Variants in TRDN observed in about 807,000 individuals in gnomAD.
TRDN encodes triadin.
A neutral mutation model predicts 149.7 loss-of-function variants in TRDN; 161 were observed. The ratio of observed to expected loss-of-function variants is 1.08; its 90% confidence interval spans 0.95 to 1.23. The LOEUF is 1.23. Ranked by LOEUF, TRDN falls within the 50% of genes most tolerant of loss-of-function variation. The pLI is 0.00. For missense variants in TRDN, 896 were observed against 823.5 expected, an observed-to-expected ratio of 1.09 and a Z score of -1.08; for synonymous variants, 294 against 250.5, an observed-to-expected ratio of 1.17 and a Z score of -1.64.
intron 10 of TRDN, among the ~76,000 whole-genome samples, chr6:123,446,090 C>A (rs1410614502): frequency 3.3e-5 from 5 of 151,638 alleles, no homozygotes; most frequent in Non-Finnish European, 7.4e-5. Flanking sequence ...TTTGTAGGGA[C>A]ATGGATGAAA....
At chr6:123,488,297 T>C (rs1368248188) in intron 9 of TRDN, among the ~76,000 whole-genome samples, 1 of 152,132 alleles carries the variant, frequency 6.6e-6, no homozygotes, top group African/African-American at 2.4e-5. Context: ...TAATGACCCT[T>C]GGTATTTGGC....
chr6:123,516,684 T>A (rs1348179304), intron 5 of TRDN, among the ~76,000 whole-genome samples: 1 of 152,012 alleles, frequency 6.6e-6, no homozygotes. Flanking sequence ...AAAAATATAC[T>A]GGAATAAGAC....
intron 35 of TRDN, among the ~76,000 whole-genome samples, chr6:123,257,010 C>T (rs951368833): frequency 6.8e-6 from 1 of 146,610 alleles, no homozygotes; most frequent in African/African-American, 2.5e-5. Context: ...TAGACAGAGT[C>T]TCACTCTGGC....
At chr6:123,479,449 A>T (rs76768134) in intron 9 of TRDN, among the ~76,000 whole-genome samples, 9,181 of 152,256 alleles carry the variant, frequency 0.06, 927 homozygotes, top group African/African-American at 0.21. Flanking sequence ...ATAATTCCCC[A>T]CAAGTGGAAA....
At chr6:123,544,222 A>G (rs1780998060) in intron 4 of TRDN, among the ~76,000 whole-genome samples, 1 of 150,850 alleles carries the variant, frequency 6.6e-6, no homozygotes, top group African/African-American at 2.4e-5. Flanking sequence ...ACAAGTATTG[A>G]GAAGCCTTAT....
At chr6:123,421,658 A>T (rs1773907690) in intron 12 of TRDN, 2 of 152,222 alleles carry the variant, frequency 1.3e-5, no homozygotes, top group Non-Finnish European at 2.9e-5. Context: ...GGTGAGCGCC[A>T]CCATTTTTTG....
intron 29 of TRDN, among the ~76,000 whole-genome samples, chr6:123,272,079 A>C (rs969177013): frequency 5.9e-5 from 9 of 151,886 alleles, no homozygotes; most frequent in Admixed American, 5.9e-4. Context: ...CCTTATTCCT[A>C]TATTTTCTGT....
At chr6:123,310,969 C>T (rs954518945) in intron 24 of TRDN, among the ~76,000 whole-genome samples, 16 of 151,868 alleles carry the variant, frequency 1.1e-4, no homozygotes, top group Non-Finnish European at 2.1e-4. Flanking sequence ...ATATACTAAC[C>T]CCCAAGGACT....
intron 40 of TRDN, among the ~76,000 whole-genome samples, chr6:123,220,337 T>C (rs762406662): frequency 5.9e-5 from 9 of 151,880 alleles, no homozygotes; most frequent in Non-Finnish European, 1.3e-4. Flanking sequence ...ACCTGTCTCA[T>C]TGAATTATAT....
At chr6:123,259,834 G>C (rs1191220055) in intron 34 of TRDN, among the ~76,000 whole-genome samples, 172 bp from the exon 35 acceptor site, 1 of 151,604 alleles carries the variant, frequency 6.6e-6, no homozygotes, top group Non-Finnish European at 1.5e-5. Flanking sequence ...GTCACCTATA[G>C]GGTCAAAATT....
intron 10 of TRDN, among the ~76,000 whole-genome samples, chr6:123,449,984 G>A (rs1212239780): frequency 6.6e-6 from 1 of 152,102 alleles, no homozygotes; most frequent in African/African-American, 2.4e-5. Context: ...CATATATGAA[G>A]GAAAGATGAA....
At chr6:123,380,476 A>T (rs1781673030) in intron 16 of TRDN, among the ~76,000 whole-genome samples, 1 of 152,200 alleles carries the variant, frequency 6.6e-6, no homozygotes, top group Non-Finnish European at 1.5e-5. Context: ...AACTCTCTGT[A>T]GATGGATTGC....
chr6:123,408,736 G>T (rs9401670), intron 12 of TRDN, among the ~76,000 whole-genome samples: 149,326 of 152,070 alleles, frequency 0.98, 73,328 homozygotes, highest in East Asian at 1. Flanking sequence ...TTCCATACTC[G>T]ACCGTCCCAG....
At chr6:123,477,712 A>G (rs1777557739) in intron 9 of TRDN, among the ~76,000 whole-genome samples, 1 of 152,154 alleles carries the variant, frequency 6.6e-6, no homozygotes, top group Non-Finnish European at 1.5e-5. Context: ...CATATACACC[A>G]TGGAATACTA....
intron 12 of TRDN, among the ~76,000 whole-genome samples, chr6:123,401,025 C>T (rs1438749354): frequency 1.3e-5 from 2 of 151,994 alleles, no homozygotes; most frequent in South Asian, 2.1e-4. Flanking sequence ...AATGTTATTG[C>T]GTGAAAAAGT....
intron 38 of TRDN, among the ~76,000 whole-genome samples, chr6:123,225,481 A>G (rs1465045053): frequency 6.6e-6 from 1 of 151,362 alleles, no homozygotes; most frequent in African/African-American, 2.4e-5. Context: ...AAACTTTCTA[A>G]GAGAGTAGAT....
At chr6:123,610,441 C>G (rs1156747888) in intron 1 of TRDN, among the ~76,000 whole-genome samples, 1 of 152,162 alleles carries the variant, frequency 6.6e-6, no homozygotes, top group African/African-American at 2.4e-5. Flanking sequence ...TTCATTCACT[C>G]TGCAATGATT....
chr6:123,424,484 G>GT (rs923384703), intron 12 of TRDN, among the ~76,000 whole-genome samples: 130 of 147,880 alleles, frequency 8.8e-4, no homozygotes, highest in Middle Eastern at 7.0e-3. Context: ...TTCTGTCTGC[G>GT]TTTTTTTTTT....
At chr6:123,402,198 AAC>A (rs1196990529) in intron 12 of TRDN, among the ~76,000 whole-genome samples, 1 of 152,194 alleles carries the variant, frequency 6.6e-6, no homozygotes, top group African/African-American at 2.4e-5. Flanking sequence ...TCAGTATGTA[AAC>A]AAACTGAAAC....
Sources: gnomAD v4.1 joint callset for allele counts (sites outside exome capture counted in the v4.1 genomes callset) on GRCh38, gnomAD v4.1.1 for gene constraint, MANE v1.5 for transcripts, NCBI Gene and HGNC (gene_info 2026-07-23, HGNC 2026-07-21) for gene names.